The following PKP3 variants were observed in gnomAD, a reference collection of about 807,000 sequenced individuals.
PKP3 encodes plakophilin 3, also known as plakophilin-3.
A neutral mutation model predicts 76.5 loss-of-function variants in PKP3; 66 were observed. The ratio of observed to expected loss-of-function variants is 0.86; its 90% CI spans 0.71 to 1.06. The LOEUF (loss-of-function observed/expected upper bound fraction) is 1.06, where lower values mean the gene tolerates loss of function less well. PKP3 is among the 50% of genes least tolerant of loss of function. The probability of loss-of-function intolerance (pLI) is 0.00; values close to 1 mark genes in which losing one functional copy is unlikely to be tolerated. For synonymous variants in PKP3, 638 were observed against 516.5 expected (o/e 1.24, Z -3.19); for missense variants, 1,338 against 1,141.0 (o/e 1.17, Z -2.49).
chr11:394,500 G>C lies in PKP3; in HGVS notation c.208G>C (p.Glu70Gln), dbSNP rs749615293. Residue 70 changes from glutamate (E) to glutamine (Q), a missense_variant, in exon 1 of 13, where the codon GAG becomes CAG. Coordinates refer to ENST00000331563, the MANE Select transcript of PKP3 (RefSeq NM_007183.4). The stretch of plus-strand genomic sequence containing the variant: ...GCGGCACAACGGGGCCGCTGAGCCC[G>C]AGCCTGAGGCCGAGACTGCCAGAGG... ...QPRHNGAAEP[E>Q]PEAETARGTS... is the part of the protein sequence containing the mutation. 2.1e-6 allele frequency: 3 copies of C among 1,396,766 alleles called. No homozygotes were observed. Among genetic ancestry groups the C allele is most frequent in the African/African-American group, 1.5e-5 (1 of 65,664 alleles). The allele number at this position is 1,396,766 out of a possible 1,614,324, so 86.5% of individuals were successfully genotyped here.
Position 400,078 on chromosome 11 carries a change from C to T in PKP3, c.1385C>T (p.Pro462Leu), listed in dbSNP as rs770377103. The change falls in exon 6 of 13, where the codon CCC becomes CTC. Residue 462 changes from proline to leucine, a missense_variant. Coordinates refer to ENST00000331563, the MANE Select transcript of PKP3 (RefSeq NM_007183.4). ...VLSPLSGAGG[P>L]PLIQQNASEA... ...AGCCCCCTGTCGGGGGCTGGGGGTC[C>T]CCCCCTCATCCAGCAGAACGCCTCG... The T allele has an allele frequency of 1.1e-4, 170 of 1,597,738 alleles. No homozygotes were observed. The highest frequency in any genetic ancestry group is 1.4e-4 in the Non-Finnish European group (162 of 1,175,148).
intron 9 of PKP3, among the ~76,000 whole-genome samples, 154 bp from the exon 10 acceptor site, chr11:403,464 G>A (rs1324826295): frequency 6.6e-6 from 1 of 152,138 alleles, no homozygotes; most frequent in Non-Finnish European, 1.5e-5. Flanking sequence ...ACCTGATCCG[G>A]GCTGCGGCTG....
intron 9 of PKP3, 52 bp downstream of exon 9, chr11:403,315 G>C (rs959603788): frequency 2.6e-5 from 35 of 1,356,286 alleles, no homozygotes; most frequent in Non-Finnish European, 3.4e-5. Context: ...ATGCGGTTGA[G>C]GGGGGGACAG....
At chr11:393,947 G>A (rs188802559), upstream of PKP3, among the ~76,000 whole-genome samples, 35 of 152,338 alleles carry the variant, frequency 2.3e-4, no homozygotes, top group African/African-American at 7.7e-4. Context: ...ACGACAAAGG[G>A]CCCGGTCTGG....
In PKP3 at chr11:403,170, G is replaced by A. The variant is rs1045635375; in HGVS notation, c.1830G>A (p.Leu610=). The change falls in exon 9 of 13, where the codon CTG becomes CTA. Residue 610 remains leucine (L), a synonymous_variant. Coordinates refer to ENST00000331563, the MANE Select transcript of PKP3 (RefSeq NM_007183.4). The part of the protein sequence containing the change: ...EWLWSPQIVG[L]YNRLLQRCEL... Reference sequence around the variant, plus strand: ...TGTGGAGCCCCCAGATCGTGGGGCTGTACAACCGGCTGCTGCAGCGCTGCG... The same window carrying A: ...TGTGGAGCCCCCAGATCGTGGGGCTATACAACCGGCTGCTGCAGCGCTGCG... 4 of 1,587,760 alleles carry A rather than the reference G, an allele frequency of 2.5e-6. No individual in the cohort carries two copies. The highest frequency in any genetic ancestry group is 3.4e-6 in the Non-Finnish European group (4 of 1,168,982).
intron 2 of PKP3, 38 bp from the exon 3 acceptor site, chr11:396,776 G>C: frequency 6.4e-7 from 1 of 1,565,394 alleles, no homozygotes; most frequent in Admixed American, 1.8e-5. Context: ...ACACAGGTGA[G>C]CCCAGGCACG....
chr11:400,794 C>T (rs1461022860), intron 8 of PKP3, 89 bp downstream of exon 8: 1 of 666,824 alleles, frequency 1.5e-6, no homozygotes, highest in African/African-American at 2.2e-5. Context: ...CCCGCTCACC[C>T]CCGCCCCGCT....
At chr11:396,444 T>C in intron 1 of PKP3, 164 bp from the exon 2 acceptor site, 3 of 555,932 alleles carry the variant, frequency 5.4e-6, no homozygotes, top group Non-Finnish European at 9.5e-6. Context: ...GACCAAGCCA[T>C]GGCAGGAATG....
chr11:397,392 G>A lies in PKP3; in HGVS notation c.891G>A (p.Val297=). The change falls in exon 3 of 13, where the codon GTG becomes GTA. Residue 297 remains valine, a synonymous_variant. Coordinates refer to ENST00000331563, the MANE Select transcript of PKP3 (RefSeq NM_007183.4). ...CTGACTCGGGCCACCTGCCGGACGT[G>A]CATGGGTTCAACAGCTACGGTAGCC... The part of the protein sequence containing the change: ...SLADSGHLPD[V]HGFNSYGSHR... The A allele has an allele frequency of 1.2e-6, 2 of 1,611,330 alleles. No homozygotes were observed. Among genetic ancestry groups the A allele is most frequent in the South Asian group, 2.2e-5 (2 of 90,998 alleles).
intron 1 of PKP3, 134 bp from the exon 2 acceptor site, chr11:396,474 G>A (rs549637461): frequency 8.3e-6 from 5 of 602,352 alleles, no homozygotes; most frequent in East Asian, 3.1e-5. Context: ...TGGCCCTGGT[G>A]CCCCCCTGGC....
In PKP3 at chr11:404,663, C is replaced by A; in HGVS notation, c.*94C>A. 7.7e-7 allele frequency: 1 copy of A among 1,300,628 alleles called. No homozygotes were observed. Among genetic ancestry groups the A allele is most frequent in the Admixed American group, 1.8e-5 (1 of 55,278 alleles). 80.6% of individuals were successfully genotyped at this position (1,300,628 alleles called of 1,614,324 possible). On this transcript the variant is annotated 3_prime_UTR_variant, in exon 13 of 13. Coordinates refer to ENST00000331563, the MANE Select transcript of PKP3 (RefSeq NM_007183.4). This position sits in a 1 kb window ranked among gnomAD's most constrained non-coding sequence, Gnocchi z 4.2. ...TGGCAGCCCAGCCTGGAGGAGAAGG[C>A]TAATGACGGAGGGGCCCCTCGCTGG...
At chr11:403,317 G>A (rs924496738) in intron 9 of PKP3, 54 bp downstream of exon 9, 5 of 1,368,346 alleles carry the variant, frequency 3.7e-6, no homozygotes, top group Admixed American at 4.8e-5. Flanking sequence ...GCGGTTGAGG[G>A]GGGGACAGAG....
Position 397,465 on chromosome 11 carries a change from T to C in PKP3, c.944+20T>C. On this transcript the variant is annotated intron_variant, in intron 3 of 12. Transcript: ENST00000331563. ...CAGCGGGTGAGCGGCTGGGCCCGGCTCAGGGAGGGGGCTTCTACCACGGGC... is the reference window on the plus strand; with the variant it reads ...CAGCGGGTGAGCGGCTGGGCCCGGCCCAGGGAGGGGGCTTCTACCACGGGC... 1 of 1,611,892 alleles carries C rather than the reference T, an allele frequency of 6.2e-7. No homozygotes were observed. The highest frequency in any genetic ancestry group is 8.5e-7 in the Non-Finnish European group (1 of 1,179,556).
chr11:392,743 C>T (rs771027829), upstream of PKP3: 2 of 1,181,572 alleles, frequency 1.7e-6, no homozygotes, highest in South Asian at 2.5e-5. Context: ...CACCCCGACC[C>T]CACCTGGTGG....
chr11:398,271 C>G (rs1397873953), intron 4 of PKP3, among the ~76,000 whole-genome samples: 2 of 93,742 alleles, frequency 2.1e-5, no homozygotes, highest in Non-Finnish European at 4.2e-5. Flanking sequence ...CTCCGTACAC[C>G]CGCACACACC....
In PKP3 at chr11:404,184, T is replaced by C; in HGVS notation, c.2270+49T>C. 1.9e-6 allele frequency: 3 copies of C among 1,606,792 alleles called. No individual in the cohort carries two copies. Among genetic ancestry groups the C allele is most frequent in the Non-Finnish European group, 2.6e-6 (3 of 1,175,038 alleles). On this transcript the variant is annotated intron_variant, in intron 11 of 12. Transcript: ENST00000331563. The surrounding 1 kb of genome is among the most constrained non-coding windows in gnomAD (Gnocchi z 4.2). ...GCAGCCTGGTCAGGGGTCCTCCCAGTCCACCCTGCTTTCTGGCTGTGTGTC... is the reference window on the plus strand; with the variant it reads ...GCAGCCTGGTCAGGGGTCCTCCCAGCCCACCCTGCTTTCTGGCTGTGTGTC...
chr11:392,744 C>T (rs1846991621), upstream of PKP3: 1 of 1,163,812 alleles, frequency 8.6e-7, no homozygotes, highest in African/African-American at 1.6e-5. Context: ...ACCCCGACCC[C>T]ACCTGGTGGC....
At position 399,135 on chromosome 11, in the gene PKP3, G is replaced by T. The variant is rs771568648; in HGVS notation, c.1212G>T (p.Gly404=). 6.2e-7 allele frequency: 1 copy of T among 1,611,876 alleles called. No homozygotes were observed. Among genetic ancestry groups the T allele is most frequent in the East Asian group, 2.2e-5 (1 of 44,852 alleles). ...DNKLALVEEN[G]IFELLRTLRE... The stretch of plus-strand genomic sequence containing the variant: ...AGCTGGCCCTGGTGGAGGAGAACGG[G>T]ATCTTCGAGCTGCTGCGGACACTGC... The change falls in exon 5 of 13, where the codon GGG becomes GGT. Residue 404 remains glycine (G), a synonymous_variant. Coordinates refer to ENST00000331563, the MANE Select transcript of PKP3 (RefSeq NM_007183.4).
rs200933703 is a variant in PKP3, at chr11:396,946, G to A, written c.445G>A (p.Gly149Arg). 17 of 1,596,410 alleles carry A rather than the reference G, an allele frequency of 1.1e-5. No individual in the cohort carries two copies. The highest frequency in any genetic ancestry group is 1.7e-5 in the Admixed American group (1 of 59,176). ...GGSAFGAAGY[G>R]GAQPTPPMPT... ...CAGCGCCTTTGGGGCCGCTGGGTACGGGGGTGCCCAGCCCACCCCTCCCAT... is the reference window on the plus strand; with the variant it reads ...CAGCGCCTTTGGGGCCGCTGGGTACAGGGGTGCCCAGCCCACCCCTCCCAT... Residue 149 changes from glycine (G) to arginine (R), a missense_variant, in exon 3 of 13, where the codon GGG (glycine) becomes AGG (arginine). Coordinates refer to ENST00000331563, the MANE Select transcript of PKP3 (RefSeq NM_007183.4).
Sources: allele counts gnomAD v4.1 joint callset (sites outside exome capture counted in the v4.1 genomes callset), GRCh38; gene constraint gnomAD v4.1.1; non-coding constraint Gnocchi (gnomAD v3.1); transcripts MANE v1.5; gene names NCBI Gene and HGNC (gene_info 2026-07-23, HGNC 2026-07-21).